Variants in RAB23 observed in about 807,000 individuals in gnomAD.
RAB23 encodes ras-related protein Rab-23.
Under a neutral mutation model 30.0 loss-of-function variants are expected in RAB23, and 15 were observed. The ratio of observed to expected loss-of-function variants is 0.50; its 90% confidence interval spans 0.33 to 0.77. The LOEUF (loss-of-function observed/expected upper bound fraction) is 0.77. Ranked by LOEUF, RAB23 falls within the 30% of genes least tolerant of loss-of-function variation. The probability of loss-of-function intolerance (pLI) is 0.02; values close to 1 mark genes in which losing one functional copy is unlikely to be tolerated. For missense variants in RAB23, 243 were observed against 275.4 expected, an observed-to-expected ratio of 0.88 and a Z score of 0.83; for synonymous variants, 93 against 94.0, an observed-to-expected ratio of 0.99 and a Z score of 0.06.
intron 1 of RAB23, among the ~76,000 whole-genome samples, chr6:57,213,805 C>T (rs1020300632): frequency 6.6e-6 from 1 of 151,496 alleles, no homozygotes; most frequent in Non-Finnish European, 1.5e-5. Context: ...GGAAATATCA[C>T]CACCAACAAC....
At position 57,188,209 on chromosome 6, in the gene RAB23, A is replaced by G. The variant is rs948299839; in HGVS notation, c.*2252T>C. ...TTGGAAAAAAAATGTCAATTTTTGA[A>G]GGCTTTAAGAATTGATTAAATTGAG... is the stretch of plus-strand genomic sequence containing the variant. On this transcript the variant is annotated 3_prime_UTR_variant, in exon 7 of 7. Transcript: ENST00000468148. The G allele has an allele frequency of 6.6e-6, 1 of 152,318 alleles. No individual in the cohort carries two copies. Among genetic ancestry groups the G allele is most frequent in the African/African-American group, 2.4e-5 (1 of 41,586 alleles). The allele number at this position is 152,318 out of a possible 1,614,324, so 9.4% of individuals were successfully genotyped here. A position where few individuals can be genotyped will look rare whatever the true frequency, so the allele number is the denominator to read the frequency against.
chr6:57,218,782 G>A (rs909220899), intron 1 of RAB23, among the ~76,000 whole-genome samples: 1 of 151,720 alleles, frequency 6.6e-6, no homozygotes, highest in Admixed American at 6.6e-5. Context: ...AACCCGGGAG[G>A]CAGAGGTTGC....
At chr6:57,220,648 GAA>G (rs1359653007) in intron 1 of RAB23, among the ~76,000 whole-genome samples, 2 of 152,130 alleles carry the variant, frequency 1.3e-5, no homozygotes, top group African/African-American at 4.8e-5. Context: ...AGCTAACATC[GAA>G]AGATTACTAA....
intron 3 of RAB23, among the ~76,000 whole-genome samples, chr6:57,203,075 C>T (rs1296446948): frequency 2.9e-5 from 4 of 136,340 alleles, no homozygotes; most frequent in Admixed American, 8.0e-5. Context: ...GGCATGATCT[C>T]GGCTCACTGC....
chr6:57,210,476 A>G, intron 1 of RAB23, 31 bp from the exon 2 acceptor site: 1 of 1,298,478 alleles, frequency 7.7e-7, no homozygotes, highest in Non-Finnish European at 1.1e-6. Context: ...ATTTTTTCAT[A>G]ACACAAAAAT....
At chr6:57,206,648 G>A (rs908162935) in intron 3 of RAB23, among the ~76,000 whole-genome samples, 1 of 152,088 alleles carries the variant, frequency 6.6e-6, no homozygotes, top group Non-Finnish European at 1.5e-5. Context: ...GGAATGGTGT[G>A]GAAGCAGCAG....
intron 1 of RAB23, among the ~76,000 whole-genome samples, chr6:57,213,924 AC>A (rs1363654333): frequency 2.0e-5 from 3 of 152,044 alleles, no homozygotes; most frequent in African/African-American, 7.2e-5. Context: ...ATATTGATGC[AC>A]CCCAACTCCC....
chr6:57,215,666 G>T (rs182672988), intron 1 of RAB23, among the ~76,000 whole-genome samples: 74 of 151,948 alleles, frequency 4.9e-4, no homozygotes, highest in Non-Finnish European at 9.0e-4. Flanking sequence ...CAGTGGAAAA[G>T]AAATAATTTT....
intron 1 of RAB23, among the ~76,000 whole-genome samples, chr6:57,218,579 C>G (rs2128008498): frequency 6.6e-6 from 1 of 152,288 alleles, no homozygotes; most frequent in Non-Finnish European, 1.5e-5. Flanking sequence ...AGGCCGAGCA[C>G]AGTGGCACAC....
At chr6:57,207,807 T>C in intron 2 of RAB23, 94 bp from the exon 3 acceptor site, 1 of 842,010 alleles carries the variant, frequency 1.2e-6, no homozygotes, top group Non-Finnish European at 1.9e-6. Flanking sequence ...TCCAAAGATA[T>C]TAAAACTACA....
Position 57,220,158 on chromosome 6 carries a change from T to C in RAB23, c.-66+1568A>G, listed in dbSNP as rs975175245. On this transcript the variant is annotated intron_variant, in intron 1 of 6. Coordinates refer to ENST00000468148, the MANE Select transcript of RAB23 (RefSeq NM_016277.5). ...TGTGGCAAATGAACACATGAAAACA[T>C]GTACATCTTTAGCCATTAGTTAAAG... is the stretch of plus-strand genomic sequence containing the variant. 2.6e-5 allele frequency among the ~76,000 whole-genome samples: 4 copies of C among 152,216 alleles called. No individual in the cohort carries two copies. The East Asian group carries it at 7.7e-4, about 29-fold the overall frequency.
intron 3 of RAB23, among the ~76,000 whole-genome samples, chr6:57,207,394 T>C (rs1029897741): frequency 1.3e-5 from 2 of 152,200 alleles, no homozygotes; most frequent in African/African-American, 4.8e-5. Flanking sequence ...TGGGAATGCC[T>C]ACATGAGTCA....
rs1410123511 is a variant in RAB23 at position 57,187,115 on chromosome 6, G to C, written c.*3346C>G. The stretch of plus-strand genomic sequence containing the variant: ...AACCAAATAGCAATACATACAAGTG[G>C]TTTTCCATTCAAATTTACAAAAGCA... On this transcript the variant is annotated 3_prime_UTR_variant, in exon 7 of 7. Coordinates refer to ENST00000468148, the MANE Select transcript of RAB23 (RefSeq NM_016277.5). 6.6e-6 allele frequency: 1 copy of C among 152,036 alleles called. No individual in the cohort carries two copies. Among genetic ancestry groups the C allele is most frequent in the African/African-American group, 2.4e-5 (1 of 41,372 alleles). 9.4% of individuals were successfully genotyped at this position (152,036 alleles called of 1,614,324 possible).
At chr6:57,211,093 T>C (rs1765635607) in intron 1 of RAB23, among the ~76,000 whole-genome samples, 1 of 152,228 alleles carries the variant, frequency 6.6e-6, no homozygotes, top group East Asian at 1.9e-4. Context: ...GTATAAGGCA[T>C]GTATGAGACA....
At chr6:57,216,528 C>A (rs896779955) in intron 1 of RAB23, among the ~76,000 whole-genome samples, 1 of 152,106 alleles carries the variant, frequency 6.6e-6, no homozygotes, top group Admixed American at 6.6e-5. Context: ...GGGCAAACCC[C>A]AAAACTGGAG....
chr6:57,193,501 T>C (rs1260349772), intron 6 of RAB23, among the ~76,000 whole-genome samples: 1 of 152,072 alleles, frequency 6.6e-6, no homozygotes, highest in Admixed American at 6.6e-5. Flanking sequence ...AAATCAGTAA[T>C]GGGTAATAAG....
In RAB23 at chr6:57,190,639, C is replaced by G. The variant is rs748122467; in HGVS notation, c.575-39G>C. 9.3e-6 allele frequency: 15 copies of G among 1,607,556 alleles called. No individual in the cohort carries two copies. In the Admixed American group the frequency reaches 2.0e-4, roughly 21 times the overall value. Reference sequence around the variant, plus strand: ...GGGAAAAGAGTGATTGCCACTGACACGCCTGAGTTACCTGTTGCATCCAGC... The same window carrying G: ...GGGAAAAGAGTGATTGCCACTGACAGGCCTGAGTTACCTGTTGCATCCAGC... On this transcript the variant is annotated intron_variant, in intron 6 of 6. Transcript: ENST00000468148.
intron 1 of RAB23, among the ~76,000 whole-genome samples, chr6:57,216,820 C>T (rs1283290216): frequency 6.6e-6 from 1 of 152,114 alleles, no homozygotes; most frequent in African/African-American, 2.4e-5. Context: ...TATAAGGTAA[C>T]TTCCAGACGT....
chr6:57,221,803 G>A lies in RAB23; in HGVS notation c.-143C>T, dbSNP rs921395797. On this transcript the variant is annotated 5_prime_UTR_variant, in exon 1 of 7. Coordinates refer to ENST00000468148, the MANE Select transcript of RAB23 (RefSeq NM_016277.5). The stretch of plus-strand genomic sequence containing the variant: ...GCTGGAACTTGGGATCGGTGCTCAG[G>A]GAGGGGAGAGCCGGCGCTCGGCGGT... The A allele has an allele frequency of 2.0e-5, 3 of 152,402 alleles. No individual in the cohort carries two copies. The highest frequency in any genetic ancestry group is 7.2e-5 in the African/African-American group (3 of 41,456). The allele number at this position is 152,402 out of a possible 1,614,324, so 9.4% of individuals were successfully genotyped here.
Sources: gnomAD v4.1 joint callset for allele counts (sites outside exome capture counted in the v4.1 genomes callset) on GRCh38, gnomAD v4.1.1 for gene constraint, MANE v1.5 for transcripts, NCBI Gene and HGNC (gene_info 2026-07-23, HGNC 2026-07-21) for gene names.